Variants in MPRIP observed in about 807,000 individuals in gnomAD.
MPRIP encodes myosin phosphatase Rho-interacting protein.
A neutral mutation model predicts 234.9 loss-of-function variants in MPRIP; 59 were observed. That is an observed-to-expected ratio of 0.25 (90% CI 0.20 to 0.31). The LOEUF (loss-of-function observed/expected upper bound fraction) is 0.31, where lower values mean the gene tolerates loss of function less well. Ranked by LOEUF, MPRIP falls within the 10% of genes least tolerant of loss-of-function variation. The pLI, the probability that MPRIP is intolerant of heterozygous loss-of-function variation, is 1.00. For missense variants in MPRIP, 2,436 were observed against 3,071.0 expected (o/e 0.79, Z 4.89); for synonymous variants, 1,144 against 1,263.9 (o/e 0.91, Z 2.01).
intron 12 of MPRIP, among the ~76,000 whole-genome samples, chr17:17,152,956 A>G (rs2045634654): frequency 6.6e-6 from 1 of 152,188 alleles, no homozygotes; most frequent in Non-Finnish European, 1.5e-5. Context: ...GATCCATTTG[A>G]GGCATGATGG....
chr17:17,145,151 A>G (rs1387233208), intron 9 of MPRIP, among the ~76,000 whole-genome samples: 2 of 152,246 alleles, frequency 1.3e-5, no homozygotes, highest in Non-Finnish European at 2.9e-5. Flanking sequence ...CCTAGGCAGC[A>G]GCGGACTGTG....
intron 3 of MPRIP, among the ~76,000 whole-genome samples, chr17:17,079,407 G>A (rs2089411210): frequency 6.6e-6 from 1 of 152,240 alleles, no homozygotes; most frequent in South Asian, 2.1e-4. Flanking sequence ...GGAAGTAGGA[G>A]CAGGGAGACA....
intron 3 of MPRIP, among the ~76,000 whole-genome samples, chr17:17,118,200 C>T (rs1203570882): frequency 6.6e-6 from 1 of 152,228 alleles, no homozygotes; most frequent in African/African-American, 2.4e-5. Flanking sequence ...GGTGGTCTCC[C>T]GGCCCTTCTT....
intron 23 of MPRIP, chr17:17,181,545 C>T (rs1203157851): frequency 1.3e-5 from 2 of 152,228 alleles, no homozygotes; most frequent in Non-Finnish European, 1.5e-5. Context: ...TGATTGAAAA[C>T]TTAGCTTGGG....
At chr17:17,066,403 G>A (rs1248214283) in intron 1 of MPRIP, among the ~76,000 whole-genome samples, 1 of 152,088 alleles carries the variant, frequency 6.6e-6, no homozygotes, top group Non-Finnish European at 1.5e-5. Context: ...AGGACCATGT[G>A]GCTTTTCTTC....
chr17:17,167,557 G>A lies in MPRIP; in HGVS notation c.5966G>A (p.Arg1989Lys). 7.7e-7 allele frequency: 1 copy of A among 1,304,278 alleles called. No individual in the cohort carries two copies. The highest frequency in any genetic ancestry group is 1.0e-6 in the Non-Finnish European group (1 of 988,966). The allele number at this position is 1,304,278 out of a possible 1,614,324, so 80.8% of individuals were successfully genotyped here. A position where few individuals can be genotyped will look rare whatever the true frequency, so the allele number is the denominator to read the frequency against. Reference sequence around the variant, plus strand: ...GTCAGAGACAGGCAGGACATGGAGAGGCATCATGGTGAGCAGATACAGACC... The same window carrying A: ...GTCAGAGACAGGCAGGACATGGAGAAGCATCATGGTGAGCAGATACAGACC... ...ASVRDRQDME[R>K]HHGEQIQTLE... The change falls in exon 16 of 24, where the codon AGG becomes AAG. Residue 1989 changes from arginine (R) to lysine (K), a missense_variant. This residue lies in a region of MPRIP where 1,998 missense variants were observed against 2,520.3 expected (regional missense o/e 0.79). Transcript: ENST00000651222. This position sits in a 1 kb window ranked among gnomAD's most constrained non-coding sequence, Gnocchi z 5.9.
chr17:17,082,253 C>T (rs1468811521), intron 3 of MPRIP, among the ~76,000 whole-genome samples: 1 of 148,836 alleles, frequency 6.7e-6, no homozygotes, highest in Non-Finnish European at 1.5e-5. Flanking sequence ...GCCTGCTCTC[C>T]AAGGCAAAAA....
chr17:17,145,504 T>C (rs1394324526), intron 9 of MPRIP, among the ~76,000 whole-genome samples: 2 of 152,188 alleles, frequency 1.3e-5, no homozygotes, highest in African/African-American at 2.4e-5. Flanking sequence ...TCCTGCTTCT[T>C]GTGGGGGAAT....
chr17:17,088,783 G>A (rs531673387), intron 3 of MPRIP, among the ~76,000 whole-genome samples: 1 of 151,266 alleles, frequency 6.6e-6, no homozygotes, highest in East Asian at 1.9e-4. Context: ...ACCACTTCTG[G>A]CAGGCAATGT....
At chr17:17,100,542 G>T (rs1293243432) in intron 3 of MPRIP, among the ~76,000 whole-genome samples, 1 of 152,144 alleles carries the variant, frequency 6.6e-6, no homozygotes, top group East Asian at 1.9e-4. Context: ...GAGGTGAGTG[G>T]CAGGCGAGCT....
chr17:17,172,686 C>A lies in MPRIP; in HGVS notation c.6473-12C>A. The A allele has an allele frequency of 6.2e-7, 1 of 1,608,242 alleles. No homozygotes were observed. Among genetic ancestry groups the A allele is most frequent in the South Asian group, 1.1e-5 (1 of 90,952 alleles). On this transcript the variant is annotated splice_polypyrimidine_tract_variant and intron_variant, in intron 17 of 23. Transcript: ENST00000651222. ...TGGTCCCTCGGTGCTGAGGCCGTGT[C>A]CTTGCCTGCAGCCATCGAAGCCATG... is the stretch of plus-strand genomic sequence containing the variant.
intron 11 of MPRIP, among the ~76,000 whole-genome samples, chr17:17,148,284 G>T (rs1476612274): frequency 6.6e-6 from 1 of 152,212 alleles, no homozygotes; most frequent in African/African-American, 2.4e-5. Flanking sequence ...TCCGAGTGTG[G>T]TCTGTAGACC....
intron 3 of MPRIP, among the ~76,000 whole-genome samples, chr17:17,104,357 C>A (rs2090021772): frequency 1.3e-5 from 2 of 152,276 alleles, no homozygotes; most frequent in South Asian, 2.1e-4. Flanking sequence ...CTGCATAGAA[C>A]CTTTGGCCAT....
In MPRIP at chr17:17,137,938, C is replaced by A. The variant is rs760225835; in HGVS notation, c.759C>A (p.Asp253Glu). Residue 253 changes from aspartate to glutamate, a missense_variant, in exon 7 of 24, where the codon GAC becomes GAA. Around this residue, in one of 4 missense-constraint regions of MPRIP, gnomAD observed 267 missense variants for 252.7 expected, o/e 1.06. Transcript: ENST00000651222. ...CAGAGGAGAGCGCCATGAGTAGCGA[C>A]CGCATGGACTGTGGCCGCAAAGTCC... is the stretch of plus-strand genomic sequence containing the variant. ...SKEEESAMSS[D>E]RMDCGRKVRV... 27 of 1,610,540 alleles carry A rather than the reference C, an allele frequency of 1.7e-5. No homozygotes were observed. Among genetic ancestry groups the A allele is most frequent in the Non-Finnish European group, 2.1e-5 (25 of 1,178,384 alleles).
At chr17:17,126,559 A>G in intron 3 of MPRIP, 143 bp from the exon 4 acceptor site, 1 of 957,382 alleles carries the variant, frequency 1.0e-6, no homozygotes, top group Non-Finnish European at 1.5e-6. Context: ...GATGGGCACA[A>G]AGGAAGAGGA....
chr17:17,077,752 TA>T (rs10560581), intron 2 of MPRIP: 128,249 of 305,202 alleles, frequency 0.42, 21,222 homozygotes, highest in Non-Finnish European at 0.45. Context: ...TTCCAAGTGT[TA>T]AAAAAAAAAA....
At chr17:17,120,307 A>G (rs1185703392) in intron 3 of MPRIP, among the ~76,000 whole-genome samples, 14 of 152,252 alleles carry the variant, frequency 9.2e-5, no homozygotes, top group Admixed American at 2.6e-4. Context: ...TGTTTTCCCA[A>G]AAGTGCTTCT....
chr17:17,126,997 C>T, intron 4 of MPRIP, 144 bp downstream of exon 4: 1 of 1,050,844 alleles, frequency 9.5e-7, no homozygotes, highest in Non-Finnish European at 1.4e-6. Context: ...GTTCTCAACA[C>T]CGCTGTGTGC....
chr17:17,051,293 G>A (rs2088532928), intron 1 of MPRIP, among the ~76,000 whole-genome samples: 1 of 152,252 alleles, frequency 6.6e-6, no homozygotes, highest in Non-Finnish European at 1.5e-5. Context: ...GGGAGAGAGT[G>A]TGGCAGCGAG....
Sources: allele counts gnomAD v4.1 joint callset (sites outside exome capture counted in the v4.1 genomes callset), GRCh38; gene constraint gnomAD v4.1.1; regional missense constraint gnomAD v4.1.1; non-coding constraint Gnocchi (gnomAD v3.1); transcripts MANE v1.5; gene names NCBI Gene and HGNC (gene_info 2026-07-23, HGNC 2026-07-21).